The following GRIP1 variants were observed in gnomAD, a reference collection of about 807,000 sequenced individuals.
GRIP1 encodes glutamate receptor-interacting protein 1.
Under a neutral mutation model 129.9 loss-of-function variants are expected in GRIP1, and 45 were observed. That is an observed-to-expected ratio of 0.35 (90% CI 0.27 to 0.44). The LOEUF (loss-of-function observed/expected upper bound fraction) is 0.44, where lower values mean the gene tolerates loss of function less well. Among genes scored for constraint, GRIP1 ranks in the 20% least tolerant of loss-of-function variants. The pLI is 1.00. For missense variants in GRIP1, 1,196 were observed against 1,396.8 expected, an observed-to-expected ratio of 0.86 and a Z score of 2.29; for synonymous variants, 530 against 520.8, an observed-to-expected ratio of 1.02 and a Z score of -0.24.
chr12:66,495,944 C>T (rs568581360), intron 7 of GRIP1, among the ~76,000 whole-genome samples: 15 of 152,254 alleles, frequency 9.9e-5, no homozygotes, highest in African/African-American at 3.6e-4. Context: ...TGGTGATGAA[C>T]CGAAGCGCGC....
chr12:66,880,400 G>A (rs141956955), intron 1 of GRIP1, among the ~76,000 whole-genome samples: 105 of 152,226 alleles, frequency 6.9e-4, no homozygotes, highest in East Asian at 5.2e-3. Flanking sequence ...CTAAATGGAG[G>A]ATGTAGTAGA....
chr12:66,728,095 A>T (rs2061942), intron 1 of GRIP1, among the ~76,000 whole-genome samples: 24,390 of 152,224 alleles, frequency 0.16, 2,078 homozygotes, highest in Non-Finnish European at 0.17. Flanking sequence ...CACATTGCCA[A>T]AGATAAAAGA....
At chr12:66,462,469 A>C (rs2059161052) in intron 9 of GRIP1, among the ~76,000 whole-genome samples, 1 of 152,212 alleles carries the variant, frequency 6.6e-6, no homozygotes, top group African/African-American at 2.4e-5. Flanking sequence ...TTTAAGAAAA[A>C]AATATCAAAT....
At chr12:66,631,287 T>C (rs537820141) in intron 1 of GRIP1, among the ~76,000 whole-genome samples, 2 of 152,234 alleles carry the variant, frequency 1.3e-5, no homozygotes, top group African/African-American at 4.8e-5. Context: ...AAAGCTAATA[T>C]TTTCTTGGGC....
intron 1 of GRIP1, among the ~76,000 whole-genome samples, chr12:66,753,739 GA>G (rs1469457230): frequency 6.6e-6 from 1 of 152,130 alleles, no homozygotes; most frequent in Non-Finnish European, 1.5e-5. Flanking sequence ...TGAGATCCTT[GA>G]AAGCAGATAC....
intron 1 of GRIP1, among the ~76,000 whole-genome samples, chr12:66,985,049 G>A (rs141527367): frequency 9.3e-4 from 141 of 152,268 alleles, no homozygotes; most frequent in African/African-American, 3.2e-3. Flanking sequence ...CTTGCTGCTA[G>A]GTAGGACCTT....
At position 66,896,480 on chromosome 12, in the gene GRIP1, GA is replaced by G. The variant is rs5798843; in HGVS notation, c.58+172569del. Among the ~76,000 whole-genome samples, 67 of 107,854 alleles carry G rather than the reference GA, an allele frequency of 6.2e-4. 1 individual carries two copies. The South Asian group carries it at 6.9e-3, about 11-fold the overall frequency. 70.8% of individuals were successfully genotyped at this position (107,854 alleles called of 152,430 possible). On this transcript the variant is annotated intron_variant, in intron 1 of 1. Coordinates refer to the GRIP1 transcript ENST00000643019. ...TGAGAATATTACCTCTGAGGAATTT[GA>G]AAAAAAAAAAAAAAACTTTGGTGGG...
In GRIP1 at chr12:66,723,296, CTTTCTTTCTTTTTTTTTT is replaced by C. The variant is rs2036142611; in HGVS notation, c.-420+80739_-420+80756del. 3.6e-4 allele frequency among the ~76,000 whole-genome samples: 8 copies of C among 22,084 alleles called. 1 individual carries two copies. Among genetic ancestry groups the C allele is most frequent in the South Asian group, 1.8e-3 (1 of 560 alleles). 14.5% of individuals were successfully genotyped at this position (22,084 alleles called of 152,430 possible). On this transcript the variant is annotated intron_variant, in intron 1 of 4. Transcript: ENST00000538373. ...CCTTCCTTCCTTCCTTTCTTTCTTT[CTTTCTTTCTTTTTTTTTT>C]TTTTTTTTTTTTTTTTGAGACAGAG...
At chr12:66,556,628 T>C (rs2062342453) in intron 2 of GRIP1, among the ~76,000 whole-genome samples, 1 of 150,864 alleles carries the variant, frequency 6.6e-6, no homozygotes. Context: ...AAATAGCCAG[T>C]ATGATAAAAC....
At chr12:66,644,053 C>T (rs1051692768) in intron 1 of GRIP1, among the ~76,000 whole-genome samples, 5 of 151,992 alleles carry the variant, frequency 3.3e-5, no homozygotes, top group African/African-American at 9.7e-5. Flanking sequence ...TACACGGCAG[C>T]GGCAAGAGAA....
chr12:66,468,527 T>C (rs2059348404), intron 7 of GRIP1, among the ~76,000 whole-genome samples: 1 of 152,212 alleles, frequency 6.6e-6, no homozygotes, highest in Admixed American at 6.5e-5. Context: ...TATGTGCAGA[T>C]GTAAATTTTA....
intron 2 of GRIP1, chr12:66,567,709 T>TCCATTC (rs2062817105): frequency 4.5e-6 from 1 of 219,822 alleles, no homozygotes; most frequent in Non-Finnish European, 9.8e-6. Context: ...ATTACACCAT[T>TCCATTC]CCATTCCCCT....
chr12:66,473,278 T>C (rs895351540), intron 7 of GRIP1, among the ~76,000 whole-genome samples: 5 of 152,186 alleles, frequency 3.3e-5, no homozygotes, highest in Non-Finnish European at 7.4e-5. Context: ...CCTCTCTAGA[T>C]TCCTCCTCTC....
intron 1 of GRIP1, among the ~76,000 whole-genome samples, chr12:66,673,161 G>A (rs1462184761): frequency 6.6e-6 from 1 of 152,126 alleles, no homozygotes; most frequent in Admixed American, 6.5e-5. Flanking sequence ...CTCCACTTGT[G>A]ATCTTAGGAA....
chr12:66,431,939 G>A (rs111476295), intron 14 of GRIP1, among the ~76,000 whole-genome samples: 3 of 152,168 alleles, frequency 2.0e-5, no homozygotes, highest in African/African-American at 7.2e-5. Flanking sequence ...GCACTATGGA[G>A]GAATTCAAGG....
chr12:66,942,944 C>A (rs549892388), intron 1 of GRIP1, among the ~76,000 whole-genome samples: 1 of 152,216 alleles, frequency 6.6e-6, no homozygotes, highest in Non-Finnish European at 1.5e-5. Flanking sequence ...GAAGGCGGGC[C>A]CTCACCAGAC....
chr12:66,991,909 A>G (rs35283455), intron 1 of GRIP1, among the ~76,000 whole-genome samples: 3 of 152,202 alleles, frequency 2.0e-5, no homozygotes, highest in Non-Finnish European at 4.4e-5. Context: ...AATGGCTTCA[A>G]TTTTAGTAGT....
intron 1 of GRIP1, among the ~76,000 whole-genome samples, chr12:66,861,830 G>C (rs1162003505): frequency 6.6e-6 from 1 of 152,024 alleles, no homozygotes; most frequent in South Asian, 2.1e-4. Context: ...TAGCACAAAT[G>C]GTAAGAAAAG....
In GRIP1 at chr12:66,445,363, TGGA is replaced by T. The variant is rs1185188763; in HGVS notation, c.1497_1499del (p.Pro501del). On this transcript the variant is annotated inframe_deletion, in exon 12 of 25. Coordinates refer to ENST00000359742, the MANE Select transcript of GRIP1 (RefSeq NM_001366722.1). ...CAGCTTCGATATAGGAAATCAGAGG[TGGA>T]GAAGAGAGAGTTTCTGTGGCAAACA... 6.2e-7 allele frequency: 1 copy of T among 1,614,082 alleles called. No homozygotes were observed. Among genetic ancestry groups the T allele is most frequent in the African/African-American group, 1.3e-5 (1 of 75,018 alleles).
Sources: allele counts gnomAD v4.1 joint callset (sites outside exome capture counted in the v4.1 genomes callset), GRCh38; gene constraint gnomAD v4.1.1; transcripts MANE v1.5; gene names NCBI Gene and HGNC (gene_info 2026-07-23, HGNC 2026-07-21).